The following ASH1L variants were observed in gnomAD, a reference collection of about 807,000 sequenced individuals.
ASH1L encodes the protein ASH1 like histone lysine methyltransferase.
In ASH1L, 23 loss-of-function variants were observed where a neutral mutation model predicts 269.0. The ratio of observed to expected loss-of-function variants is 0.09; its 90% CI spans 0.06 to 0.12. ASH1L has a LOEUF of 0.12. Among genes scored for constraint, ASH1L ranks in the 10% least tolerant of loss-of-function variants. The pLI, the probability that ASH1L is intolerant of heterozygous loss-of-function variation, is 1.00. For missense variants in ASH1L, 2,912 were observed against 3,567.8 expected, an observed-to-expected ratio of 0.82 and a Z score of 4.68; for synonymous variants, 1,187 against 1,253.5, an observed-to-expected ratio of 0.95 and a Z score of 1.12.
chr1:155,518,764 G>A (rs1157769811), intron 2 of ASH1L, among the ~76,000 whole-genome samples: 1 of 150,634 alleles, frequency 6.6e-6, no homozygotes, highest in East Asian at 2.0e-4. Context: ...GAAGAGAGGG[G>A]GAGAGGCAGA....
At chr1:155,503,212 A>T (rs746193119) in intron 2 of ASH1L, among the ~76,000 whole-genome samples, 2 of 152,226 alleles carry the variant, frequency 1.3e-5, no homozygotes, top group Non-Finnish European at 2.9e-5. Flanking sequence ...ATCAAATCCT[A>T]CAGAAAGATG....
chr1:155,352,031 G>A (rs1202692912), intron 17 of ASH1L, among the ~76,000 whole-genome samples: 2 of 151,750 alleles, frequency 1.3e-5, no homozygotes, highest in African/African-American at 2.4e-5. Context: ...TTACGGTGAG[G>A]GGCCACTTCT....
rs574022569 is a variant in ASH1L at position 155,460,886 on chromosome 1, G to A, written c.4985-988C>T. Among the ~76,000 whole-genome samples the A allele has an allele frequency of 4.6e-5, 7 of 152,020 alleles. No individual in the cohort carries two copies. In the South Asian group the frequency reaches 8.3e-4, roughly 18 times the overall value. ...ATCTATAGAGCATATTACATCTCCC[G>A]CTCAAAAGAAAAGTATGTTGTTGAT... On this transcript the variant is annotated intron_variant, in intron 3 of 27. Transcript: ENST00000392403.
At chr1:155,430,358 G>C (rs768166935) in intron 5 of ASH1L, among the ~76,000 whole-genome samples, 1 of 152,068 alleles carries the variant, frequency 6.6e-6, no homozygotes, top group Non-Finnish European at 1.5e-5. Context: ...TATTTTTCTT[G>C]AAAGTGTGGT....
At chr1:155,386,297 A>T (rs1173296716) in intron 7 of ASH1L, among the ~76,000 whole-genome samples, 2 of 151,902 alleles carry the variant, frequency 1.3e-5, no homozygotes. Flanking sequence ...CAAACTCCTG[A>T]CCTCAGGTGA....
At chr1:155,391,288 T>C (rs1657909749) in intron 7 of ASH1L, among the ~76,000 whole-genome samples, 1 of 152,192 alleles carries the variant, frequency 6.6e-6, no homozygotes, top group African/African-American at 2.4e-5. Flanking sequence ...CTGACACTTC[T>C]GCCATCTTCA....
chr1:155,414,353 C>CA (rs1660037171), intron 6 of ASH1L, among the ~76,000 whole-genome samples: 4 of 152,060 alleles, frequency 2.6e-5, no homozygotes, highest in African/African-American at 7.2e-5. Flanking sequence ...TCTTGCTGCC[C>CA]AGGCTGGAGT....
intron 2 of ASH1L, among the ~76,000 whole-genome samples, chr1:155,512,414 CTT>C (rs1668220012): frequency 8.5e-6 from 1 of 117,278 alleles, no homozygotes; most frequent in African/African-American, 3.1e-5. Context: ...GAGACTCTGT[CTT>C]TTAAAAAAAA....
chr1:155,432,949 C>G (rs1203966318), intron 5 of ASH1L, among the ~76,000 whole-genome samples: 1 of 152,158 alleles, frequency 6.6e-6, no homozygotes, highest in Non-Finnish European at 1.5e-5. Flanking sequence ...CCATGTTACC[C>G]AGGCTGATGA....
chr1:155,475,298 G>A lies in ASH1L; in HGVS notation c.4984+2588C>T, dbSNP rs113374030. On this transcript the variant is annotated intron_variant, in intron 3 of 27. Transcript: ENST00000392403. Reference sequence around the variant, plus strand: ...ACTACAGGCACGTGCCACCATGCCCGGCTGATTTTTGTATTTTTAGTAGAG... The same window carrying A: ...ACTACAGGCACGTGCCACCATGCCCAGCTGATTTTTGTATTTTTAGTAGAG... Among the ~76,000 whole-genome samples, 698 of 152,094 alleles carry A rather than the reference G, an allele frequency of 4.6e-3. 4 individuals carry two copies. Among genetic ancestry groups the A allele is most frequent in the African/African-American group, 0.016 (662 of 41,492 alleles).
At chr1:155,413,169 T>C (rs79068350) in intron 6 of ASH1L, among the ~76,000 whole-genome samples, 7,191 of 152,190 alleles carry the variant, frequency 0.047, 589 homozygotes, top group African/African-American at 0.17. Context: ...ACTGACAGAA[T>C]GTTGATTTTT....
intron 4 of ASH1L, among the ~76,000 whole-genome samples, chr1:155,444,553 C>T (rs926401808): frequency 4.6e-5 from 7 of 151,942 alleles, no homozygotes; most frequent in Admixed American, 1.3e-4. Context: ...GATCTTTTGC[C>T]GATTATTTTT....
At chr1:155,433,019 T>C (rs761317557) in intron 5 of ASH1L, among the ~76,000 whole-genome samples, 2 of 152,242 alleles carry the variant, frequency 1.3e-5, no homozygotes, top group Non-Finnish European at 2.9e-5. Context: ...GGTCAAGATG[T>C]CTCAAACTAC....
rs184174597 is a variant in ASH1L, at chr1:155,391,613, T to C, written c.6103+3846A>G. Among the ~76,000 whole-genome samples, 38 of 152,316 alleles carry C rather than the reference T, an allele frequency of 2.5e-4. No homozygotes were observed. In the East Asian group the frequency reaches 7.1e-3, roughly 29 times the overall value. ...ATTTTGGATTGAATTATGGACATTA[T>C]AAGTAATACGTTACAGAGATTCTCA... On this transcript the variant is annotated intron_variant, in intron 7 of 27. Coordinates refer to ENST00000392403, the MANE Select transcript of ASH1L (RefSeq NM_018489.3).
At chr1:155,458,573 C>T (rs972344432) in intron 4 of ASH1L, among the ~76,000 whole-genome samples, 6 of 152,160 alleles carry the variant, frequency 3.9e-5, no homozygotes, top group South Asian at 4.2e-4. Flanking sequence ...AAATATTAGC[C>T]GGGTATCATG....
intron 6 of ASH1L, among the ~76,000 whole-genome samples, chr1:155,410,759 G>A (rs1659698138): frequency 6.6e-6 from 1 of 151,370 alleles, no homozygotes; most frequent in Non-Finnish European, 1.5e-5. Flanking sequence ...CTGAGCCACT[G>A]CGTCTGGCCT....
intron 6 of ASH1L, among the ~76,000 whole-genome samples, chr1:155,408,534 C>T (rs907600956): frequency 6.6e-6 from 1 of 152,042 alleles, no homozygotes; most frequent in African/African-American, 2.4e-5. Flanking sequence ...GTCTGATAAA[C>T]AACAGCAGAA....
intron 13 of ASH1L, among the ~76,000 whole-genome samples, chr1:155,358,237 A>G (rs1382435684): frequency 6.6e-6 from 1 of 152,332 alleles, no homozygotes; most frequent in East Asian, 1.9e-4. Context: ...ATGATGGATT[A>G]AATTTTAGGA....
intron 2 of ASH1L, among the ~76,000 whole-genome samples, chr1:155,518,092 G>A (rs1374529368): frequency 6.6e-6 from 1 of 152,070 alleles, no homozygotes; most frequent in Non-Finnish European, 1.5e-5. Flanking sequence ...GAGCCACCAC[G>A]CCCGGCCCAA....
Sources: allele counts gnomAD v4.1 joint callset (sites outside exome capture counted in the v4.1 genomes callset), GRCh38; gene constraint gnomAD v4.1.1; transcripts MANE v1.5; gene names NCBI Gene and HGNC (gene_info 2026-07-23, HGNC 2026-07-21).